The following R3HDM1 variants were observed in gnomAD, a reference collection of about 807,000 sequenced individuals.
R3HDM1 encodes the protein R3H domain-containing protein 1.
Under a neutral mutation model 141.1 loss-of-function variants are expected in R3HDM1, and 46 were observed. The observed-to-expected ratio is 0.33, with a 90% CI of 0.26 to 0.42. R3HDM1 has a LOEUF of 0.42. Ranked by LOEUF, R3HDM1 falls within the 10% of genes least tolerant of loss-of-function variation. The probability of loss-of-function intolerance (pLI) is 1.00; values close to 1 mark genes in which losing one functional copy is unlikely to be tolerated. For synonymous variants in R3HDM1, 435 were observed against 472.9 expected (o/e 0.92, Z 1.04); for missense variants, 1,184 against 1,368.3 (o/e 0.87, Z 2.12).
rs928684937 is a variant in R3HDM1, at chr2:135,669,033, T to C, written c.2153-6299T>C. 8 of 708,582 alleles carry C rather than the reference T, an allele frequency of 1.1e-5. 1 individual carries two copies. The Admixed American group carries it at 5.0e-4, about 45-fold the overall frequency. 43.9% of individuals were successfully genotyped at this position (708,582 alleles called of 1,614,324 possible). On this transcript the variant is annotated intron_variant, in intron 19 of 26. Coordinates refer to ENST00000683871, the MANE Select transcript of R3HDM1 (RefSeq NM_001378107.1). Reference sequence around the variant, plus strand: ...TGAGCCAGTTCTTCTCCTTCCCAATTGTCTTTTGTTATGTTTTAATATTTT... The same window carrying C: ...TGAGCCAGTTCTTCTCCTTCCCAATCGTCTTTTGTTATGTTTTAATATTTT...
At chr2:135,536,053 A>T (rs755592369) in intron 1 of R3HDM1, among the ~76,000 whole-genome samples, 3 of 151,904 alleles carry the variant, frequency 2.0e-5, no homozygotes, top group Non-Finnish European at 2.9e-5. Flanking sequence ...TTGCCTTGTG[A>T]ATTTTATATT....
intron 1 of R3HDM1, among the ~76,000 whole-genome samples, chr2:135,600,103 ATT>A (rs1047714227): frequency 0.01 from 950 of 93,324 alleles, 6 homozygotes; most frequent in African/African-American, 0.041. Context: ...AGTTCGTATG[ATT>A]TTTTTTTTTT....
At position 135,569,333 on chromosome 2, in the gene R3HDM1, A is replaced by C. The variant is rs541761443; in HGVS notation, c.-249-33167A>C. Among the ~76,000 whole-genome samples, 17 of 152,158 alleles carry C rather than the reference A, an allele frequency of 1.1e-4. No individual in the cohort carries two copies. The South Asian group carries it at 2.7e-3, about 24-fold the overall frequency. On this transcript the variant is annotated intron_variant, in intron 1 of 26. Coordinates refer to ENST00000683871, the MANE Select transcript of R3HDM1 (RefSeq NM_001378107.1). ...CCCCATCTCTACTAAAAATAGAAAA[A>C]TTAGCCAGGCATGGTGGCGCACGCC...
chr2:135,690,601 T>C (rs2072206755), intron 21 of R3HDM1, among the ~76,000 whole-genome samples: 1 of 152,162 alleles, frequency 6.6e-6, no homozygotes. Context: ...ACAGAATAGA[T>C]GAAGAAAGAT....
intron 16 of R3HDM1, among the ~76,000 whole-genome samples, 195 bp from the exon 17 acceptor site, chr2:135,649,705 CAT>C (rs1406423883): frequency 6.6e-6 from 1 of 152,054 alleles, no homozygotes; most frequent in Non-Finnish European, 1.5e-5. Flanking sequence ...TTCAGGCGTA[CAT>C]GTTTTTGAAA....
Position 135,654,605 on chromosome 2 carries a change from T to C in R3HDM1, c.2028+2573T>C, listed in dbSNP as rs552749472. ...CTGGGATTACAGGCGTGAGCCACCA[T>C]GCCCAACTAATTTTTGTATTTTTAG... On this transcript the variant is annotated intron_variant, in intron 18 of 26. Coordinates refer to ENST00000683871, the MANE Select transcript of R3HDM1 (RefSeq NM_001378107.1). Among the ~76,000 whole-genome samples the C allele has an allele frequency of 6.2e-4, 95 of 152,016 alleles. 1 individual carries two copies. The highest frequency in any genetic ancestry group is 1.6e-3 in the African/African-American group (66 of 41,468).
At chr2:135,625,002 T>G (rs1441906085) in intron 7 of R3HDM1, among the ~76,000 whole-genome samples, 1 of 152,136 alleles carries the variant, frequency 6.6e-6, no homozygotes, top group Non-Finnish European at 1.5e-5. Context: ...GTGGGAAGAT[T>G]ACTGGAGTCC....
intron 20 of R3HDM1, among the ~76,000 whole-genome samples, 154 bp from the exon 21 acceptor site, chr2:135,680,019 G>A (rs1220753823): frequency 6.6e-6 from 1 of 152,186 alleles, no homozygotes; most frequent in East Asian, 1.9e-4. Context: ...GGCAGGGGTT[G>A]CAGTGAGCCA....
At chr2:135,692,158 C>T (rs1424417600) in intron 21 of R3HDM1, among the ~76,000 whole-genome samples, 1 of 152,152 alleles carries the variant, frequency 6.6e-6, no homozygotes, top group Non-Finnish European at 1.5e-5. Flanking sequence ...GATCCGCCCA[C>T]CTCAGCCTCC....
intron 5 of R3HDM1, among the ~76,000 whole-genome samples, chr2:135,618,207 G>A (rs543113451): frequency 6.1e-5 from 9 of 148,192 alleles, no homozygotes; most frequent in East Asian, 5.9e-4. Context: ...CTTGTTGACC[G>A]GGCTGGAGTG....
chr2:135,581,281 T>C (rs1274835064), intron 1 of R3HDM1: 2 of 985,328 alleles, frequency 2.0e-6, no homozygotes, highest in African/African-American at 1.7e-5. Context: ...CCTGTTTCCC[T>C]GTAGATCCAC....
chr2:135,631,799 G>A (rs1055626749), intron 8 of R3HDM1, 22 bp downstream of exon 8: 3 of 1,564,706 alleles, frequency 1.9e-6, no homozygotes, highest in Non-Finnish European at 2.6e-6. Context: ...CATTCAACAA[G>A]AAAAGAAATT....
intron 4 of R3HDM1, 125 bp downstream of exon 4, chr2:135,616,318 A>C: frequency 3.1e-6 from 3 of 980,520 alleles, no homozygotes; most frequent in Non-Finnish European, 4.4e-6. Context: ...CAGAAAGCTT[A>C]TTTTGTTTTA....
intron 1 of R3HDM1, among the ~76,000 whole-genome samples, chr2:135,552,194 T>C (rs1699957164): frequency 6.7e-6 from 1 of 149,078 alleles, no homozygotes; most frequent in African/African-American, 2.6e-5. Context: ...TTTTTTTTTC[T>C]TTTTTGGGGG....
intron 21 of R3HDM1, among the ~76,000 whole-genome samples, chr2:135,705,998 G>A (rs1388815680): frequency 1.3e-5 from 2 of 151,972 alleles, no homozygotes; most frequent in Non-Finnish European, 2.9e-5. Context: ...GCGTGGTGGC[G>A]GGCACCTGTA....
chr2:135,695,371 A>T (rs2073082491), intron 21 of R3HDM1, among the ~76,000 whole-genome samples: 1 of 152,222 alleles, frequency 6.6e-6, no homozygotes, highest in African/African-American at 2.4e-5. Context: ...GCCAGTATAA[A>T]AATCAGAGAG....
chr2:135,686,205 T>G (rs1320110011), intron 21 of R3HDM1, among the ~76,000 whole-genome samples: 1 of 152,182 alleles, frequency 6.6e-6, no homozygotes, highest in Non-Finnish European at 1.5e-5. Flanking sequence ...AAGGGAACCC[T>G]TGTAACACTG....
Position 135,543,112 on chromosome 2 carries a change from G to T in R3HDM1, c.-250+11479G>T, listed in dbSNP as rs561759063. On this transcript the variant is annotated intron_variant, in intron 1 of 26. Coordinates refer to ENST00000683871, the MANE Select transcript of R3HDM1 (RefSeq NM_001378107.1). ...AGACCACCAACTTGGGGAGGATACA[G>T]TCTCTGTAATATGTAAAATGGATGA... The T allele has an allele frequency of 1.8e-4, 176 of 982,732 alleles. No individual in the cohort carries two copies. The African/African-American group carries it at 2.8e-3, about 16-fold the overall frequency. 60.9% of individuals were successfully genotyped at this position (982,732 alleles called of 1,614,324 possible). A position where few individuals can be genotyped will look rare whatever the true frequency, so the allele number is the denominator to read the frequency against.
chr2:135,638,614 C>G lies in R3HDM1; in HGVS notation c.904-4C>G, dbSNP rs762807047. ...CAACTTTTTGTATCTATTCTTTTTT[C>G]TAGTCCCTGTGTTCCCAAGAGAATT... On this transcript the variant is annotated splice_region_variant and splice_polypyrimidine_tract_variant and intron_variant, in intron 11 of 26. Coordinates refer to ENST00000683871, the MANE Select transcript of R3HDM1 (RefSeq NM_001378107.1). 2 of 1,604,754 alleles carry G rather than the reference C, an allele frequency of 1.2e-6. No individual in the cohort carries two copies. The highest frequency in any genetic ancestry group is 1.7e-6 in the Non-Finnish European group (2 of 1,172,714).
Sources: allele counts gnomAD v4.1 joint callset (sites outside exome capture counted in the v4.1 genomes callset), GRCh38; gene constraint gnomAD v4.1.1; transcripts MANE v1.5; gene names NCBI Gene and HGNC (gene_info 2026-07-23, HGNC 2026-07-21).